NPHP1: variants seen among roughly 807,000 people sequenced by gnomAD.
NPHP1 encodes the protein nephrocystin 1, also known as nephrocystin-1.
A neutral mutation model predicts 90.4 loss-of-function variants in NPHP1; 70 were observed. That is an observed-to-expected ratio of 0.77 (90% CI 0.64 to 0.95). NPHP1 has a LOEUF of 0.95. NPHP1 is among the 40% of genes least tolerant of loss of function. NPHP1 has a pLI of 0.00. For synonymous variants in NPHP1, 256 were observed against 271.7 expected, an observed-to-expected ratio of 0.94 and a Z score of 0.57; for missense variants, 764 against 795.9, an observed-to-expected ratio of 0.96 and a Z score of 0.48.
At chr2:110,154,734 C>G (rs929275362) in intron 11 of NPHP1, among the ~76,000 whole-genome samples, 2 of 152,018 alleles carry the variant, frequency 1.3e-5, no homozygotes, top group Non-Finnish European at 2.9e-5. Flanking sequence ...TTTAGGGTAT[C>G]TGTTGGAAGA....
At chr2:110,134,286 G>C (rs1442896167) in intron 16 of NPHP1, among the ~76,000 whole-genome samples, 7 of 151,822 alleles carry the variant, frequency 4.6e-5, no homozygotes. Context: ...ACCTACTAAG[G>C]CTGAATCACA....
chr2:110,141,572 G>A (rs906299505), intron 16 of NPHP1, among the ~76,000 whole-genome samples: 4 of 152,028 alleles, frequency 2.6e-5, no homozygotes, highest in African/African-American at 9.7e-5. Context: ...TTATTAGAAT[G>A]GCCAAAACAG....
chr2:110,163,233 A>G, intron 8 of NPHP1, 98 bp from the exon 9 acceptor site: 1 of 851,638 alleles, frequency 1.2e-6, no homozygotes, highest in Non-Finnish European at 2.0e-6. Flanking sequence ...AAAAAGAAAA[A>G]TATAAACATA....
At chr2:110,140,136 T>G (rs1353376456) in intron 16 of NPHP1, among the ~76,000 whole-genome samples, 3 of 151,794 alleles carry the variant, frequency 2.0e-5, no homozygotes, top group African/African-American at 7.3e-5. Context: ...GTGTCCCAAC[T>G]CACGTTTGAA....
intron 2 of NPHP1, among the ~76,000 whole-genome samples, chr2:110,185,837 T>C (rs576579173): frequency 6.6e-6 from 1 of 152,288 alleles, no homozygotes; most frequent in South Asian, 2.1e-4. Context: ...GCAGGAGTAG[T>C]ACTCCCCCTG....
chr2:110,199,174 C>T (rs889923462), intron 2 of NPHP1, among the ~76,000 whole-genome samples: 8 of 152,018 alleles, frequency 5.3e-5, no homozygotes, highest in Non-Finnish European at 1.0e-4. Context: ...CGGTGGCTCA[C>T]GTAATCCCAG....
Position 110,123,662 on chromosome 2 carries a change from T to C in NPHP1, c.*129A>G. The C allele has an allele frequency of 1.2e-6, 1 of 847,942 alleles. No homozygotes were observed. The highest frequency in any genetic ancestry group is 2.1e-5 in the Admixed American group (1 of 48,640). The allele number at this position is 847,942 out of a possible 1,614,324, so 52.5% of individuals were successfully genotyped here. On this transcript the variant is annotated 3_prime_UTR_variant, in exon 20 of 20. Coordinates refer to ENST00000445609, the MANE Select transcript of NPHP1 (RefSeq NM_001128178.3). Reference sequence around the variant, plus strand: ...TATAAACATTTCTTTAAAAATATGGTCTGTAGAAAGAAAAGAGTAAAACCT... The same window carrying C: ...TATAAACATTTCTTTAAAAATATGGCCTGTAGAAAGAAAAGAGTAAAACCT...
chr2:110,196,472 T>G lies in NPHP1; in HGVS notation c.143+4949A>C, dbSNP rs550355937. 7.9e-5 allele frequency among the ~76,000 whole-genome samples: 12 copies of G among 152,196 alleles called. No individual in the cohort carries two copies. The South Asian group carries it at 2.5e-3, about 32-fold the overall frequency. ...ACAATGAGATACCATCTCACACCAG[T>G]TAGAATGGCGATCATTAAAAAGTCA... is the stretch of plus-strand genomic sequence containing the variant. On this transcript the variant is annotated intron_variant, in intron 2 of 19. Coordinates refer to ENST00000445609, the MANE Select transcript of NPHP1 (RefSeq NM_001128178.3).
intron 2 of NPHP1, among the ~76,000 whole-genome samples, chr2:110,186,882 C>T (rs1684317762): frequency 6.6e-6 from 1 of 152,030 alleles, no homozygotes; most frequent in East Asian, 1.9e-4. Flanking sequence ...CAGTCAAAAT[C>T]ACACAACTAC....
chr2:110,157,311 C>T (rs1031212052), intron 11 of NPHP1, among the ~76,000 whole-genome samples: 6 of 151,962 alleles, frequency 3.9e-5, no homozygotes, highest in Non-Finnish European at 7.4e-5. Flanking sequence ...AAGTATCAAA[C>T]CAGATGTATG....
At chr2:110,198,562 TC>T (rs1343533078) in intron 2 of NPHP1, among the ~76,000 whole-genome samples, 4 of 152,030 alleles carry the variant, frequency 2.6e-5, no homozygotes, top group African/African-American at 9.7e-5. Context: ...CTCTCTGCTC[TC>T]CCTCCTTACC....
chr2:110,194,729 C>A (rs1475335183), intron 2 of NPHP1, among the ~76,000 whole-genome samples: 1 of 152,210 alleles, frequency 6.6e-6, no homozygotes, highest in East Asian at 1.9e-4. Context: ...GACCAGTATC[C>A]CTGATGAACC....
chr2:110,150,051 C>T (rs946831950), intron 12 of NPHP1, 131 bp downstream of exon 12: 2 of 780,798 alleles, frequency 2.6e-6, no homozygotes, highest in Non-Finnish European at 2.2e-6. Context: ...TAATTTTTAT[C>T]AATGTCCTCA....
chr2:110,123,838 C>G lies in NPHP1; in HGVS notation c.1987G>C (p.Glu663Gln), dbSNP rs979628370. The G allele has an allele frequency of 2.5e-6, 4 of 1,614,110 alleles. No individual in the cohort carries two copies. Among genetic ancestry groups the G allele is most frequent in the Non-Finnish European group, 3.4e-6 (4 of 1,179,992 alleles). The change falls in exon 20 of 20, where the codon GAG becomes CAG. Residue 663 changes from glutamate to glutamine, a missense_variant. Coordinates refer to ENST00000445609, the MANE Select transcript of NPHP1 (RefSeq NM_001128178.3). ...DGVHEPFDLS[E>Q]QTYDFLGEMR... is the part of the protein sequence containing the mutation. ...TCACCCAAGAAGTCATAGGTCTGCT[C>G]TGAAAGGTCAAAAGGTTCATGAACT...
chr2:110,125,327 G>C, intron 19 of NPHP1: 2 of 1,521,648 alleles, frequency 1.3e-6, no homozygotes. Flanking sequence ...TTGAGAGCTA[G>C]AGAAGTTTTT....
intron 11 of NPHP1, among the ~76,000 whole-genome samples, chr2:110,152,599 TAA>T (rs36125105): frequency 4.7e-4 from 59 of 125,960 alleles, no homozygotes; most frequent in Admixed American, 8.3e-4. Flanking sequence ...CCAGTAGGGT[TAA>T]AAAAAAAAAA....
At chr2:110,165,204 A>G (rs770306007) in intron 6 of NPHP1, 49 bp from the exon 7 acceptor site, 2 of 1,426,180 alleles carry the variant, frequency 1.4e-6, no homozygotes, top group Non-Finnish European at 2.0e-6. Flanking sequence ...TGCAAAAAAC[A>G]ACCAATAAAA....
At position 110,164,775 on chromosome 2, in the gene NPHP1, A is replaced by G. The variant is rs764023703; in HGVS notation, c.729-45T>C. 77 of 1,466,972 alleles carry G rather than the reference A, an allele frequency of 5.2e-5. 2 individuals are homozygous for G. Among genetic ancestry groups the G allele is most frequent in the Middle Eastern group, 3.4e-4 (2 of 5,816 alleles). 90.9% of individuals were successfully genotyped at this position (1,466,972 alleles called of 1,614,324 possible). The stretch of plus-strand genomic sequence containing the variant: ...AAGTGAGTCAGGTCAGGTTATGCCT[A>G]TTCACTCAATTAGGGAACTTCTTTA... On this transcript the variant is annotated intron_variant, in intron 7 of 19. Coordinates refer to ENST00000445609, the MANE Select transcript of NPHP1 (RefSeq NM_001128178.3).
chr2:110,145,344 G>A (rs1241398366), intron 14 of NPHP1, among the ~76,000 whole-genome samples: 3 of 152,090 alleles, frequency 2.0e-5, no homozygotes, highest in East Asian at 1.9e-4. Context: ...AGGCTAGAGC[G>A]CAGTGGCATG....
Sources: gnomAD v4.1 joint callset for allele counts (sites outside exome capture counted in the v4.1 genomes callset) on GRCh38, gnomAD v4.1.1 for gene constraint, MANE v1.5 for transcripts, NCBI Gene and HGNC (gene_info 2026-07-23, HGNC 2026-07-21) for gene names.